NAV3: variants seen among roughly 807,000 people sequenced by gnomAD.
NAV3 encodes pore membrane and/or filament interacting like protein 1.
Under a neutral mutation model 244.7 loss-of-function variants are expected in NAV3, and 87 were observed. The ratio of observed to expected loss-of-function variants is 0.36; its 90% CI spans 0.30 to 0.42. NAV3 has a LOEUF of 0.42. Ranked by LOEUF, NAV3 falls within the 20% of genes least tolerant of loss-of-function variation. The pLI is 1.00. For synonymous variants in NAV3, 1,126 were observed against 1,042.2 expected, an observed-to-expected ratio of 1.08 and a Z score of -1.55; for missense variants, 2,663 against 2,893.3, an observed-to-expected ratio of 0.92 and a Z score of 1.83.
intron 14 of NAV3, among the ~76,000 whole-genome samples, chr12:78,118,815 G>C (rs1955536883): frequency 6.6e-6 from 1 of 152,020 alleles, no homozygotes; most frequent in South Asian, 2.1e-4. Context: ...TTTTTAAAAA[G>C]ACTCTCCCCG....
At chr12:77,714,918 A>G (rs1876293232) in intron 2 of NAV3, among the ~76,000 whole-genome samples, 1 of 152,112 alleles carries the variant, frequency 6.6e-6, no homozygotes, top group African/African-American at 2.4e-5. Context: ...TTTTAGATTC[A>G]CGAAGTACCT....
intron 12 of NAV3, among the ~76,000 whole-genome samples, chr12:78,094,978 C>T (rs1007540046): frequency 6.6e-6 from 1 of 150,506 alleles, no homozygotes; most frequent in South Asian, 2.1e-4. Flanking sequence ...ACCCAGGAGG[C>T]GAGGGTTGCA....
chr12:77,798,151 G>A (rs906231649), intron 2 of NAV3, among the ~76,000 whole-genome samples: 2 of 143,352 alleles, frequency 1.4e-5, no homozygotes, highest in African/African-American at 5.4e-5. Flanking sequence ...CACAGAGTGA[G>A]ACCGTGTCTC....
At chr12:77,964,122 T>C (rs1184952117) in intron 3 of NAV3, among the ~76,000 whole-genome samples, 1 of 151,692 alleles carries the variant, frequency 6.6e-6, no homozygotes, top group African/African-American at 2.4e-5. Flanking sequence ...TGGTGCAAGT[T>C]GAGAGAGAGA....
rs560572563 is a variant in NAV3 at position 77,682,764 on chromosome 12, G to A, written c.72+110498G>A. 9.9e-5 allele frequency among the ~76,000 whole-genome samples: 15 copies of A among 152,144 alleles called. No homozygotes were observed. In the East Asian group the frequency reaches 2.3e-3, roughly 24 times the overall value. The stretch of plus-strand genomic sequence containing the variant: ...ATTTCCTAATCATTAGTGATACTGA[G>A]TATTTTTTTCAAATGTCTGTTGGCC... On this transcript the variant is annotated intron_variant, in intron 2 of 8. Coordinates refer to the NAV3 transcript ENST00000550042.
intron 12 of NAV3, among the ~76,000 whole-genome samples, chr12:78,115,712 C>T (rs1955343526): frequency 6.6e-6 from 1 of 152,020 alleles, no homozygotes; most frequent in African/African-American, 2.4e-5. Context: ...TGTTTTGATA[C>T]ATAAATGCTT....
chr12:78,077,963 T>C (rs1479444071), intron 12 of NAV3, among the ~76,000 whole-genome samples: 5 of 152,112 alleles, frequency 3.3e-5, no homozygotes, highest in African/African-American at 1.2e-4. Flanking sequence ...AGAAACATAT[T>C]GTCTCACCCT....
intron 3 of NAV3, among the ~76,000 whole-genome samples, chr12:77,946,414 A>G (rs1890357898): frequency 6.6e-6 from 1 of 152,066 alleles, no homozygotes; most frequent in Non-Finnish European, 1.5e-5. Flanking sequence ...TTGTCCTTTT[A>G]GCACTTTATT....
intron 2 of NAV3, among the ~76,000 whole-genome samples, chr12:77,667,130 T>C (rs1873750387): frequency 6.6e-6 from 1 of 152,182 alleles, no homozygotes; most frequent in Admixed American, 6.5e-5. Context: ...GAGATTAAGA[T>C]GGCGAGTAGG....
intron 9 of NAV3, among the ~76,000 whole-genome samples, chr12:78,045,162 C>T (rs898846908): frequency 1.3e-5 from 2 of 152,076 alleles, no homozygotes; most frequent in Non-Finnish European, 2.9e-5. Flanking sequence ...TTATCGAAGG[C>T]CTTTTCTGCA....
chr12:77,616,157 C>T (rs1384529238), intron 2 of NAV3, among the ~76,000 whole-genome samples: 2 of 152,036 alleles, frequency 1.3e-5, no homozygotes, highest in Admixed American at 6.6e-5. Context: ...CCTGTAATCC[C>T]AGCACTTTGG....
At chr12:77,572,480 G>A (rs1223893010) in intron 2 of NAV3, among the ~76,000 whole-genome samples, 1 of 152,044 alleles carries the variant, frequency 6.6e-6, no homozygotes, top group African/African-American at 2.4e-5. Context: ...CAGTGGGTTG[G>A]CAAGGATTCT....
chr12:77,815,834 A>G (rs896920567), intron 2 of NAV3, among the ~76,000 whole-genome samples: 44 of 152,206 alleles, frequency 2.9e-4, no homozygotes, highest in African/African-American at 8.7e-4. Context: ...CAACTTTTAG[A>G]TATACCAATA....
chr12:77,671,514 T>C (rs888712058), intron 2 of NAV3, among the ~76,000 whole-genome samples: 15 of 152,112 alleles, frequency 9.9e-5, no homozygotes, highest in African/African-American at 3.6e-4. Flanking sequence ...CTTCAAACTA[T>C]ACTATAATGC....
chr12:78,210,340 A>G, intron 39 of NAV3, 58 bp from the exon 40 acceptor site: 1 of 1,605,480 alleles, frequency 6.2e-7, no homozygotes, highest in Non-Finnish European at 8.5e-7. Context: ...CTTGTTTTTT[A>G]TGGGCTGGCT....
chr12:78,050,638 A>G (rs1593394118), intron 10 of NAV3, 126 bp from the exon 11 acceptor site: 4 of 967,274 alleles, frequency 4.1e-6, no homozygotes, highest in East Asian at 4.9e-5. Context: ...TATAGAGTTT[A>G]GCTTTCGGGA....
At chr12:77,846,040 T>A (rs560086144) in intron 1 of NAV3, among the ~76,000 whole-genome samples, 32 of 152,126 alleles carry the variant, frequency 2.1e-4, no homozygotes, top group Non-Finnish European at 4.0e-4. Context: ...AGATTACTGA[T>A]CTCTGAGTCA....
At chr12:78,166,368 A>G (rs1957781605) in intron 23 of NAV3, among the ~76,000 whole-genome samples, 1 of 151,868 alleles carries the variant, frequency 6.6e-6, no homozygotes, top group South Asian at 2.1e-4. Context: ...ATATGGAAAG[A>G]TAACTAGTGC....
intron 2 of NAV3, among the ~76,000 whole-genome samples, chr12:77,755,395 A>C (rs562863657): frequency 1.3e-5 from 2 of 152,258 alleles, no homozygotes; most frequent in South Asian, 4.1e-4. Flanking sequence ...TGTGCTGGGG[A>C]TACCAGGGAG....
Sources: gnomAD v4.1 joint callset for allele counts (sites outside exome capture counted in the v4.1 genomes callset) on GRCh38, gnomAD v4.1.1 for gene constraint, MANE v1.5 for transcripts, NCBI Gene and HGNC (gene_info 2026-07-23, HGNC 2026-07-21) for gene names.